MECOM: variants seen among roughly 807,000 people sequenced by gnomAD.
The protein encoded by MECOM is MDS1 and EVI1 complex locus.
MECOM carries 13 observed loss-of-function variants against 116.3 expected under a neutral mutation model. The observed-to-expected ratio is 0.11, with a 90% CI of 0.07 to 0.18. The LOEUF is 0.18. Ranked by LOEUF, MECOM falls within the 10% of genes least tolerant of loss-of-function variation. The pLI, the probability that MECOM is intolerant of heterozygous loss-of-function variation, is 1.00. For missense variants in MECOM, 1,299 were observed against 1,509.0 expected, an observed-to-expected ratio of 0.86 and a Z score of 2.31; for synonymous variants, 528 against 535.2, an observed-to-expected ratio of 0.99 and a Z score of 0.19.
intron 1 of MECOM, among the ~76,000 whole-genome samples, chr3:169,388,860 T>G (rs929874546): frequency 3.9e-5 from 6 of 152,214 alleles, no homozygotes; most frequent in Admixed American, 2.6e-4. Context: ...CATAGTACCA[T>G]GCTATTCCAT....
At chr3:169,112,923 A>C in intron 8 of MECOM, 49 bp from the exon 9 acceptor site, 1 of 1,270,842 alleles carries the variant, frequency 7.9e-7, no homozygotes, top group East Asian at 2.3e-5. Context: ...TCACATATCA[A>C]TCACTACATA....
At chr3:169,136,759 A>C (rs1736483464) in intron 3 of MECOM, among the ~76,000 whole-genome samples, 2 of 152,108 alleles carry the variant, frequency 1.3e-5, no homozygotes, top group South Asian at 4.1e-4. Flanking sequence ...GTTGAGACAG[A>C]AAAGTTCTGC....
chr3:169,265,077 A>G (rs1045826913), intron 2 of MECOM, among the ~76,000 whole-genome samples: 40 of 152,164 alleles, frequency 2.6e-4, no homozygotes, highest in African/African-American at 8.9e-4. Context: ...AATATTCTTG[A>G]TATATAAATC....
chr3:169,310,123 A>AT (rs1219338390), intron 2 of MECOM, among the ~76,000 whole-genome samples: 1 of 152,210 alleles, frequency 6.6e-6, no homozygotes, highest in Non-Finnish European at 1.5e-5. Flanking sequence ...CCCTTGAGCC[A>AT]TTTTGCAATT....
chr3:169,127,803 A>G (rs770306388), intron 5 of MECOM, 41 bp downstream of exon 5: 5 of 1,577,516 alleles, frequency 3.2e-6, no homozygotes, highest in Non-Finnish European at 3.5e-6. Context: ...ACATTGCAGA[A>G]AAAATACACA....
chr3:169,457,042 G>T (rs1370812003), intron 1 of MECOM, among the ~76,000 whole-genome samples: 1 of 152,136 alleles, frequency 6.6e-6, no homozygotes, highest in Non-Finnish European at 1.5e-5. Flanking sequence ...GCCAGACCCA[G>T]GGCCAGTTGT....
chr3:169,275,390 T>G (rs1191151470), intron 2 of MECOM, among the ~76,000 whole-genome samples: 3 of 152,196 alleles, frequency 2.0e-5, no homozygotes, highest in Non-Finnish European at 4.4e-5. Context: ...CACTGAAATT[T>G]ATTTAGGATT....
chr3:169,594,174 A>AAAAAAAAAAAAAAAAAAAAAAAACAAC (rs1255613781), intron 1 of MECOM, among the ~76,000 whole-genome samples: 1 of 125,934 alleles, frequency 7.9e-6, no homozygotes, highest in Non-Finnish European at 1.6e-5. Context: ...AAAAAAAAAA[A>AAAAAAAAAAAAAAAAAAAAAAAACAAC]AACACCTTTT....
chr3:169,394,771 T>C (rs925019069), intron 1 of MECOM, among the ~76,000 whole-genome samples: 1 of 152,132 alleles, frequency 6.6e-6, no homozygotes, highest in African/African-American at 2.4e-5. Context: ...CATAGTTAAG[T>C]CAAAACAAGT....
intron 2 of MECOM, among the ~76,000 whole-genome samples, chr3:169,289,415 A>C (rs1001539111): frequency 1.3e-5 from 2 of 152,196 alleles, no homozygotes; most frequent in East Asian, 3.8e-4. Flanking sequence ...ACTTATTTTT[A>C]TGTCCTAATT....
At chr3:169,336,763 C>G (rs767066385) in intron 2 of MECOM, among the ~76,000 whole-genome samples, 2 of 151,980 alleles carry the variant, frequency 1.3e-5, no homozygotes, top group Non-Finnish European at 2.9e-5. Flanking sequence ...TGACAATGCT[C>G]TTGGAAATAA....
intron 1 of MECOM, chr3:169,483,925 C>T: frequency 1.2e-6 from 2 of 1,608,242 alleles, no homozygotes; most frequent in Non-Finnish European, 1.7e-6. Flanking sequence ...TTGATCCTTT[C>T]TTGCAAAAAC....
intron 2 of MECOM, among the ~76,000 whole-genome samples, chr3:169,279,283 A>G (rs1759989124): frequency 1.3e-5 from 2 of 152,136 alleles, no homozygotes; most frequent in African/African-American, 4.8e-5. Flanking sequence ...CCTTTGTCTT[A>G]TATTTAGAAT....
chr3:169,547,556 A>C (rs1490760680), intron 1 of MECOM, among the ~76,000 whole-genome samples: 1 of 152,208 alleles, frequency 6.6e-6, no homozygotes, highest in African/African-American at 2.4e-5. Context: ...TTCTTTGGGA[A>C]GTTATTTAAT....
At chr3:169,254,857 T>C (rs1173215117) in intron 2 of MECOM, among the ~76,000 whole-genome samples, 3 of 151,996 alleles carry the variant, frequency 2.0e-5, no homozygotes, top group Non-Finnish European at 4.4e-5. Flanking sequence ...AAGGGCAGGA[T>C]GATAGATATA....
At chr3:169,621,008 A>G (rs1363562249) in intron 1 of MECOM, among the ~76,000 whole-genome samples, 1 of 152,168 alleles carries the variant, frequency 6.6e-6, no homozygotes, top group African/African-American at 2.4e-5. Flanking sequence ...TACCTCTCTG[A>G]GCTTCACATT....
chr3:169,525,866 T>G (rs1301315666), intron 1 of MECOM, among the ~76,000 whole-genome samples: 1 of 151,928 alleles, frequency 6.6e-6, no homozygotes, highest in Non-Finnish European at 1.5e-5. Context: ...CCATCTCTAC[T>G]AAAAACACAA....
At chr3:169,247,342 G>A (rs1015288897) in intron 2 of MECOM, among the ~76,000 whole-genome samples, 5 of 149,486 alleles carry the variant, frequency 3.3e-5, no homozygotes, top group African/African-American at 1.2e-4. Context: ...TTTCACTCTT[G>A]TTGCCCAGGC....
intron 2 of MECOM, among the ~76,000 whole-genome samples, chr3:169,187,130 A>G (rs974845302): frequency 1.3e-5 from 2 of 152,178 alleles, no homozygotes; most frequent in Non-Finnish European, 2.9e-5. Flanking sequence ...GATGCTTTTC[A>G]TAGTCTTCAA....
Sources: allele counts gnomAD v4.1 joint callset (sites outside exome capture counted in the v4.1 genomes callset), GRCh38; gene constraint gnomAD v4.1.1; transcripts MANE v1.5; gene names NCBI Gene and HGNC (gene_info 2026-07-23, HGNC 2026-07-21).